Variants in TASP1 observed in about 807,000 individuals in gnomAD.
The protein encoded by TASP1 is taspase 1, also known as threonine aspartase 1.
TASP1 carries 16 observed loss-of-function variants against 56.6 expected under a neutral mutation model. The observed-to-expected ratio is 0.28, with a 90% CI of 0.19 to 0.43. TASP1 has a LOEUF of 0.43. Among genes scored for constraint, TASP1 ranks in the 20% least tolerant of loss-of-function variants. TASP1 has a pLI of 1.00. For synonymous variants in TASP1, 179 were observed against 184.2 expected, an observed-to-expected ratio of 0.97 and a Z score of 0.23; for missense variants, 393 against 511.6, an observed-to-expected ratio of 0.77 and a Z score of 2.24.
the TASP1 span, among the ~76,000 whole-genome samples, chr20:13,334,605 A>T: frequency 6.6e-6 from 1 of 152,228 alleles, no homozygotes; most frequent in African/African-American, 2.4e-5. Context: ...AAATAAGTAC[A>T]CATAGGCTAT....
At chr20:13,357,157 A>G in the TASP1 span, among the ~76,000 whole-genome samples, 1 of 147,806 alleles carries the variant, frequency 6.8e-6, no homozygotes, top group Non-Finnish European at 1.5e-5. Flanking sequence ...GCTAAATGCT[A>G]TAAAGGAAGA....
intron 13 of TASP1, among the ~76,000 whole-genome samples, chr20:13,396,659 G>A: frequency 6.6e-6 from 1 of 152,046 alleles, no homozygotes; most frequent in East Asian, 1.9e-4. Flanking sequence ...TATTAAATAG[G>A]CCAGAGCAAT....
At chr20:13,234,025 A>G in the TASP1 span, among the ~76,000 whole-genome samples, 9 of 152,170 alleles carry the variant, frequency 5.9e-5, no homozygotes, top group African/African-American at 1.9e-4. Flanking sequence ...AGGTGCGTAT[A>G]TTGTGTAGTA....
At chr20:13,388,654 G>T (rs1010800857), downstream of TASP1, among the ~76,000 whole-genome samples, 1 of 152,128 alleles carries the variant, frequency 6.6e-6, no homozygotes, top group South Asian at 2.1e-4. Context: ...AAAAATCTCT[G>T]CCAACAGGTA....
At chr20:13,604,245 T>C (rs569370045) in intron 4 of TASP1, among the ~76,000 whole-genome samples, 22 of 152,262 alleles carry the variant, frequency 1.4e-4, no homozygotes, top group Non-Finnish European at 2.6e-4. Flanking sequence ...GTGGGCCTAG[T>C]AGGAGGTATC....
intron 10 of TASP1, among the ~76,000 whole-genome samples, chr20:13,520,810 AG>A (rs1270911041): frequency 3.9e-5 from 6 of 152,324 alleles, no homozygotes; most frequent in East Asian, 1.9e-4. Flanking sequence ...GCACAGCAAA[AG>A]AAACTACTAT....
chr20:13,257,378 G>A, the TASP1 span, among the ~76,000 whole-genome samples: 6 of 152,238 alleles, frequency 3.9e-5, no homozygotes, highest in East Asian at 3.9e-4. Flanking sequence ...TTAGCCAAGC[G>A]TGGTGGTGGA....
the TASP1 span, chr20:13,279,721 C>G: frequency 1.9e-6 from 3 of 1,613,902 alleles, no homozygotes; most frequent in African/African-American, 4.0e-5. Flanking sequence ...AGTCCCATCC[C>G]CCGACTGGCG....
At chr20:13,602,585 A>C (rs2048003830) in intron 4 of TASP1, among the ~76,000 whole-genome samples, 2 of 152,142 alleles carry the variant, frequency 1.3e-5, no homozygotes, top group African/African-American at 2.4e-5. Context: ...AGTTTTGTGG[A>C]AGACAATTTT....
At chr20:13,537,817 T>A (rs1046337364) in intron 8 of TASP1, among the ~76,000 whole-genome samples, 1 of 152,164 alleles carries the variant, frequency 6.6e-6, no homozygotes, top group Non-Finnish European at 1.5e-5. Flanking sequence ...AAATAAGCAG[T>A]CCCTGTTTTC....
the TASP1 span, among the ~76,000 whole-genome samples, chr20:13,278,451 C>T: frequency 3.9e-5 from 6 of 152,166 alleles, no homozygotes; most frequent in African/African-American, 1.2e-4. Flanking sequence ...AACCAGCCCC[C>T]ACCTGCACCT....
chr20:13,512,810 T>G (rs1324320514), intron 10 of TASP1, among the ~76,000 whole-genome samples: 1 of 152,234 alleles, frequency 6.6e-6, no homozygotes, highest in Non-Finnish European at 1.5e-5. Flanking sequence ...AGTTTCAGCC[T>G]TCTACATACA....
chr20:13,374,330 T>C, the TASP1 span, among the ~76,000 whole-genome samples: 1 of 150,072 alleles, frequency 6.7e-6, no homozygotes, highest in Non-Finnish European at 1.5e-5. Flanking sequence ...ACTGTTCCTG[T>C]TTCTTTTGCT....
At position 13,439,186 on chromosome 20, in the gene TASP1, G is replaced by A. The variant is rs552060796; in HGVS notation, c.986-4032C>T. On this transcript the variant is annotated intron_variant, in intron 11 of 13. Transcript: ENST00000337743. ...CACCCAAAGGATTATAGATCATGCTGCTATAAAGACACATGCACACGTATG... is the reference window on the plus strand; with the variant it reads ...CACCCAAAGGATTATAGATCATGCTACTATAAAGACACATGCACACGTATG... Among the ~76,000 whole-genome samples the A allele has an allele frequency of 7.9e-5, 12 of 152,288 alleles. No homozygotes were observed. In the South Asian group the frequency reaches 2.3e-3, roughly 29 times the overall value.
intron 8 of TASP1, among the ~76,000 whole-genome samples, chr20:13,553,197 G>A (rs1197793338): frequency 6.6e-6 from 1 of 151,842 alleles, no homozygotes; most frequent in African/African-American, 2.4e-5. Context: ...CTCTTGCCTC[G>A]GCCTCCCAAA....
At chr20:13,531,486 CT>C (rs148240627) in intron 9 of TASP1, among the ~76,000 whole-genome samples, 1,678 of 142,202 alleles carry the variant, frequency 0.012, 24 homozygotes, top group African/African-American at 0.037. Context: ...ATTTCTTATC[CT>C]TTTTTTTTTT....
the TASP1 span, among the ~76,000 whole-genome samples, chr20:13,321,707 C>T: frequency 2.0e-5 from 3 of 152,302 alleles, no homozygotes; most frequent in African/African-American, 7.2e-5. Flanking sequence ...ACATTCAACT[C>T]CCTCCCATAT....
the TASP1 span, among the ~76,000 whole-genome samples, chr20:13,266,008 G>A: frequency 6.6e-6 from 1 of 152,096 alleles, no homozygotes; most frequent in African/African-American, 2.4e-5. Flanking sequence ...CTCATTTCAG[G>A]CAGGACAAAG....
the TASP1 span, among the ~76,000 whole-genome samples, chr20:13,268,844 G>T: frequency 2.8e-3 from 423 of 152,292 alleles, 2 homozygotes; most frequent in African/African-American, 9.6e-3. Flanking sequence ...GAGCCCAGGA[G>T]TCTGAGGTTG....
Sources: gnomAD v4.1 joint callset for allele counts (sites outside exome capture counted in the v4.1 genomes callset) on GRCh38, gnomAD v4.1.1 for gene constraint, MANE v1.5 for transcripts, NCBI Gene and HGNC (gene_info 2026-07-23, HGNC 2026-07-21) for gene names.